SPAG16: variants seen among roughly 807,000 people sequenced by gnomAD.
SPAG16 encodes sperm-associated antigen 16 protein.
Under a neutral mutation model 80.4 loss-of-function variants are expected in SPAG16, and 86 were observed. The observed-to-expected ratio is 1.07, with a 90% CI of 0.90 to 1.28. The LOEUF (loss-of-function observed/expected upper bound fraction) is 1.28, where lower values mean the gene tolerates loss of function less well. Among genes scored for constraint, SPAG16 ranks in the 50% most tolerant of loss-of-function variants. The pLI is 0.00. For missense variants in SPAG16, 870 were observed against 765.3 expected (o/e 1.14, Z -1.61); for synonymous variants, 294 against 265.9 (o/e 1.11, Z -1.03).
chr2:213,402,174 T>A (rs1182558687), intron 9 of SPAG16, among the ~76,000 whole-genome samples: 1 of 152,066 alleles, frequency 6.6e-6, no homozygotes, highest in African/African-American at 2.4e-5. Context: ...TTTTTAAAAA[T>A]TTATTTCATG....
chr2:214,193,253 G>A (rs1023807107), intron 15 of SPAG16, among the ~76,000 whole-genome samples: 1 of 151,966 alleles, frequency 6.6e-6, no homozygotes, highest in Non-Finnish European at 1.5e-5. Context: ...GCTGGTGGAT[G>A]GGTGCTGTCC....
chr2:213,489,889 A>G (rs751682522), intron 9 of SPAG16, 74 bp from the exon 10 acceptor site: 25 of 1,149,338 alleles, frequency 2.2e-5, no homozygotes, highest in South Asian at 2.5e-5. Flanking sequence ...GTAATTTAAT[A>G]TTAAATCAGA....
At chr2:213,729,985 AC>A (rs1321677103) in intron 10 of SPAG16, among the ~76,000 whole-genome samples, 9 of 152,164 alleles carry the variant, frequency 5.9e-5, no homozygotes, top group African/African-American at 2.2e-4. Flanking sequence ...ACGTGCAGAC[AC>A]TCTTGCTCCA....
At chr2:213,753,951 T>C (rs2068202210) in intron 10 of SPAG16, among the ~76,000 whole-genome samples, 1 of 152,208 alleles carries the variant, frequency 6.6e-6, no homozygotes, top group African/African-American at 2.4e-5. Flanking sequence ...TCCAGTTGCA[T>C]GTTCAGCAAG....
At chr2:214,031,551 T>A (rs1575892882) in intron 13 of SPAG16, among the ~76,000 whole-genome samples, 1 of 141,784 alleles carries the variant, frequency 7.1e-6, no homozygotes, top group African/African-American at 2.7e-5. Context: ...CATATGTAAC[T>A]AACCTGCACA....
chr2:214,301,690 A>G (rs572645099), intron 15 of SPAG16, among the ~76,000 whole-genome samples: 53 of 152,238 alleles, frequency 3.5e-4, no homozygotes, highest in African/African-American at 1.2e-3. Context: ...TAATCTAGCT[A>G]GAAGTCTATC....
chr2:214,171,028 G>C (rs1282650112), intron 15 of SPAG16, among the ~76,000 whole-genome samples: 1 of 152,014 alleles, frequency 6.6e-6, no homozygotes, highest in Non-Finnish European at 1.5e-5. Flanking sequence ...GGGATTTGCT[G>C]AAGGGTGTCT....
intron 15 of SPAG16, among the ~76,000 whole-genome samples, chr2:214,291,392 G>A (rs1693788248): frequency 8.2e-6 from 1 of 122,558 alleles, no homozygotes; most frequent in South Asian, 2.9e-4. Flanking sequence ...TGCAAGCTCC[G>A]CCTCCCGGGT....
chr2:213,961,564 G>A (rs923123506), intron 12 of SPAG16, among the ~76,000 whole-genome samples: 1 of 148,590 alleles, frequency 6.7e-6, no homozygotes, highest in African/African-American at 2.5e-5. Flanking sequence ...ATCAGATTAA[G>A]AAAGCTGTCT....
chr2:214,382,173 G>A (rs956708032), intron 15 of SPAG16, among the ~76,000 whole-genome samples: 8 of 152,210 alleles, frequency 5.3e-5, no homozygotes, highest in African/African-American at 1.9e-4. Context: ...CCACGTGAAT[G>A]ATGCCAATGA....
At chr2:214,007,638 T>G (rs953567053) in intron 12 of SPAG16, among the ~76,000 whole-genome samples, 1 of 152,094 alleles carries the variant, frequency 6.6e-6, no homozygotes, top group African/African-American at 2.4e-5. Context: ...GGGCTGAATA[T>G]TGAATTTTCA....
intron 13 of SPAG16, among the ~76,000 whole-genome samples, chr2:214,039,996 A>G (rs1375664572): frequency 1.3e-5 from 2 of 152,190 alleles, no homozygotes; most frequent in Admixed American, 6.5e-5. Context: ...ACACTCAGTC[A>G]TTTCTGGTGG....
intron 15 of SPAG16, among the ~76,000 whole-genome samples, chr2:214,254,599 G>C (rs1690548016): frequency 3.3e-5 from 5 of 151,972 alleles, no homozygotes; most frequent in Admixed American, 3.3e-4. Flanking sequence ...AAAAAGGATT[G>C]CAAGTTGATG....
chr2:213,433,838 C>A (rs2070450492), intron 9 of SPAG16, among the ~76,000 whole-genome samples: 1 of 151,666 alleles, frequency 6.6e-6, no homozygotes, highest in South Asian at 2.1e-4. Flanking sequence ...ATTACCTAAC[C>A]TCACATTTTA....
chr2:213,595,487 G>A (rs1334481612), intron 10 of SPAG16, among the ~76,000 whole-genome samples: 1 of 152,068 alleles, frequency 6.6e-6, no homozygotes, highest in Non-Finnish European at 1.5e-5. Context: ...GACATATTCT[G>A]CATTTTCTAG....
At chr2:214,287,716 T>C (rs770198545) in intron 15 of SPAG16, among the ~76,000 whole-genome samples, 2 of 152,218 alleles carry the variant, frequency 1.3e-5, no homozygotes, top group Non-Finnish European at 2.9e-5. Context: ...TGGAAATGGA[T>C]TTGACTCATG....
At chr2:213,870,009 A>G (rs2075886729) in intron 11 of SPAG16, among the ~76,000 whole-genome samples, 3 of 152,188 alleles carry the variant, frequency 2.0e-5, no homozygotes, top group South Asian at 2.1e-4. Flanking sequence ...GTACGTAGCA[A>G]TTATAATGCT....
intron 9 of SPAG16, among the ~76,000 whole-genome samples, chr2:213,454,805 C>A (rs551966078): frequency 1.2e-4 from 19 of 152,084 alleles, no homozygotes; most frequent in Non-Finnish European, 2.1e-4. Context: ...ACACCCAAAG[C>A]TAAAAAAGGA....
At chr2:214,317,219 C>T (rs1241036538) in intron 15 of SPAG16, among the ~76,000 whole-genome samples, 1 of 152,102 alleles carries the variant, frequency 6.6e-6, no homozygotes, top group Non-Finnish European at 1.5e-5. Flanking sequence ...TGACCAAGGT[C>T]ACACAGAGAC....
Sources: allele counts gnomAD v4.1 joint callset (sites outside exome capture counted in the v4.1 genomes callset), GRCh38; gene constraint gnomAD v4.1.1; transcripts MANE v1.5; gene names NCBI Gene and HGNC (gene_info 2026-07-23, HGNC 2026-07-21).